CSMD1: variants seen among roughly 807,000 people sequenced by gnomAD.
CSMD1 encodes the protein CUB and sushi domain-containing protein 1.
In CSMD1, 213 loss-of-function variants were observed where a neutral mutation model predicts 417.5. The ratio of observed to expected loss-of-function variants is 0.51; its 90% CI spans 0.46 to 0.57. The LOEUF (loss-of-function observed/expected upper bound fraction) is 0.57. Among genes scored for constraint, CSMD1 ranks in the 20% least tolerant of loss-of-function variants. The pLI, the probability that CSMD1 is intolerant of heterozygous loss-of-function variation, is 0.00. For missense variants in CSMD1, 6,923 were observed against 4,529.7 expected (o/e 1.53, Z -15.17); for synonymous variants, 2,862 against 1,736.8 (o/e 1.65, Z -16.11).
At chr8:3,350,008 TATA>T (rs1171663017) in intron 21 of CSMD1, among the ~76,000 whole-genome samples, 4 of 146,278 alleles carry the variant, frequency 2.7e-5, no homozygotes, top group Non-Finnish European at 4.5e-5. Flanking sequence ...TTATAATACC[TATA>T]ATAACTTGTG....
rs138876589 is a variant in CSMD1, at chr8:3,814,862, C to A, written c.819-60820G>T. ...AGCGGACTCCTTCATACTAGACACA[C>A]CCACTTGTGTTAATTATTTAAAGTC... is the stretch of plus-strand genomic sequence containing the variant. On this transcript the variant is annotated intron_variant, in intron 5 of 69. Transcript: ENST00000635120. Among the ~76,000 whole-genome samples the A allele has an allele frequency of 2.0e-3, 298 of 152,218 alleles. 5 individuals carry two copies. In the East Asian group the frequency reaches 0.044, roughly 23 times the overall value.
intron 1 of CSMD1, among the ~76,000 whole-genome samples, chr8:4,746,820 C>G (rs1810985656): frequency 2.0e-5 from 3 of 152,126 alleles, no homozygotes; most frequent in Admixed American, 6.5e-5. Flanking sequence ...GGTTCTCTCT[C>G]AGAGAAAAAT....
intron 3 of CSMD1, among the ~76,000 whole-genome samples, chr8:4,410,220 C>G (rs531216512): frequency 1.3e-5 from 2 of 152,296 alleles, no homozygotes; most frequent in African/African-American, 2.4e-5. Context: ...GTTTAGGTAA[C>G]TAATTCTGTA....
chr8:4,939,542 G>A (rs968025921), intron 1 of CSMD1, among the ~76,000 whole-genome samples: 4 of 152,092 alleles, frequency 2.6e-5, no homozygotes, highest in African/African-American at 7.2e-5. Flanking sequence ...TGAGCCAGGC[G>A]CAGAAAGACA....
At chr8:3,705,912 C>T (rs1188466442) in intron 7 of CSMD1, among the ~76,000 whole-genome samples, 1 of 152,214 alleles carries the variant, frequency 6.6e-6, no homozygotes, top group African/African-American at 2.4e-5. Flanking sequence ...AAGATGAAAT[C>T]CTCATGTCAG....
intron 3 of CSMD1, among the ~76,000 whole-genome samples, chr8:4,063,225 A>T (rs2552170): frequency 0.047 from 7,091 of 152,192 alleles, 342 homozygotes; most frequent in East Asian, 0.29. Context: ...TTGTGTGCAT[A>T]TTTCAAAATA....
At chr8:4,762,915 G>T (rs988573102) in intron 1 of CSMD1, among the ~76,000 whole-genome samples, 7 of 152,268 alleles carry the variant, frequency 4.6e-5, no homozygotes, top group Non-Finnish European at 8.8e-5. Flanking sequence ...AGCATTGTAG[G>T]TAGGGTTATA....
chr8:3,345,562 C>A (rs1411205658), intron 22 of CSMD1, among the ~76,000 whole-genome samples: 1 of 152,198 alleles, frequency 6.6e-6, no homozygotes, highest in African/African-American at 2.4e-5. Flanking sequence ...GAACAGGCTA[C>A]ACCTGTTCTG....
chr8:3,011,954 G>A (rs974394476), intron 52 of CSMD1, among the ~76,000 whole-genome samples: 1 of 152,212 alleles, frequency 6.6e-6, no homozygotes, highest in African/African-American at 2.4e-5. Context: ...AAGTGCCTGA[G>A]AGAGTGGATA....
chr8:4,128,323 T>G (rs1468509171), intron 3 of CSMD1, among the ~76,000 whole-genome samples: 1 of 152,136 alleles, frequency 6.6e-6, no homozygotes, highest in Admixed American at 6.5e-5. Context: ...AGGGTCAGTT[T>G]TTAATGAGGA....
chr8:4,136,511 G>A (rs1318057328), intron 3 of CSMD1, among the ~76,000 whole-genome samples: 2 of 152,158 alleles, frequency 1.3e-5, no homozygotes, highest in Admixed American at 6.5e-5. Flanking sequence ...GTCCACTACA[G>A]CAATAGCAAA....
At chr8:4,465,770 C>T (rs1313497843) in intron 2 of CSMD1, among the ~76,000 whole-genome samples, 2 of 152,192 alleles carry the variant, frequency 1.3e-5, no homozygotes, top group African/African-American at 4.8e-5. Context: ...TATTTTCTCA[C>T]CTCTGAGAAT....
chr8:4,218,835 T>C (rs183432024), intron 3 of CSMD1, among the ~76,000 whole-genome samples: 1 of 152,326 alleles, frequency 6.6e-6, no homozygotes, highest in East Asian at 1.9e-4. Flanking sequence ...TTCTGACAAT[T>C]ATTTCCCCTA....
intron 7 of CSMD1, among the ~76,000 whole-genome samples, chr8:3,684,791 A>G (rs967830135): frequency 2.6e-5 from 4 of 151,764 alleles, no homozygotes; most frequent in African/African-American, 9.7e-5. Context: ...AATTTTAGTC[A>G]CCCTCATTCT....
intron 3 of CSMD1, among the ~76,000 whole-genome samples, chr8:4,373,039 G>A (rs755192701): frequency 6.6e-6 from 1 of 152,156 alleles, no homozygotes; most frequent in African/African-American, 2.4e-5. Context: ...GGCTCACAGT[G>A]TATAACCCTG....
chr8:3,563,549 A>G (rs1045633100), intron 10 of CSMD1, among the ~76,000 whole-genome samples: 1 of 147,824 alleles, frequency 6.8e-6, no homozygotes, highest in Non-Finnish European at 1.5e-5. Flanking sequence ...CCATATAAAT[A>G]CACACCTCTT....
At chr8:3,916,920 C>A (rs1808868801) in intron 5 of CSMD1, among the ~76,000 whole-genome samples, 1 of 151,918 alleles carries the variant, frequency 6.6e-6, no homozygotes. Context: ...AAAAAAATAA[C>A]AATAATAATC....
chr8:3,602,274 T>G (rs182005790), intron 8 of CSMD1, among the ~76,000 whole-genome samples: 2 of 152,042 alleles, frequency 1.3e-5, no homozygotes, highest in Non-Finnish European at 2.9e-5. Context: ...CAGTTTAGAG[T>G]CCCCAGGAAA....
chr8:3,165,880 G>A (rs1217285967), intron 37 of CSMD1, among the ~76,000 whole-genome samples: 1 of 152,124 alleles, frequency 6.6e-6, no homozygotes, highest in East Asian at 1.9e-4. Context: ...ACCATCTACA[G>A]AATGGCTCCG....
Sources: allele counts gnomAD v4.1 joint callset (sites outside exome capture counted in the v4.1 genomes callset), GRCh38; gene constraint gnomAD v4.1.1; transcripts MANE v1.5; gene names NCBI Gene and HGNC (gene_info 2026-07-23, HGNC 2026-07-21).